The following GADL1 variants were observed in gnomAD, a reference collection of about 807,000 sequenced individuals.
The protein encoded by GADL1 is acidic amino acid decarboxylase GADL1.
GADL1 carries 71 observed loss-of-function variants against 69.5 expected under a neutral mutation model. That is an observed-to-expected ratio of 1.02 (90% CI 0.84 to 1.25). The LOEUF (loss-of-function observed/expected upper bound fraction) is 1.25. Among genes scored for constraint, GADL1 ranks in the 50% most tolerant of loss-of-function variants. The pLI is 0.00. For synonymous variants in GADL1, 254 were observed against 214.4 expected (o/e 1.18, Z -1.62); for missense variants, 737 against 631.8 (o/e 1.17, Z -1.79).
intron 14 of GADL1, among the ~76,000 whole-genome samples, chr3:30,752,489 T>A (rs1480318345): frequency 1.3e-5 from 2 of 152,172 alleles, no homozygotes; most frequent in Non-Finnish European, 2.9e-5. Flanking sequence ...TACTATAAAT[T>A]TGGGATAGCC....
chr3:30,728,245 C>G lies in GADL1; in HGVS notation c.1563G>C (p.Met521Ile). 2 of 1,613,390 alleles carry G rather than the reference C, an allele frequency of 1.2e-6. No homozygotes were observed. The highest frequency in any genetic ancestry group is 1.7e-6 in the Non-Finnish European group (2 of 1,179,444). The change falls in exon 15 of 15, where the codon ATG becomes ATC. Residue 521 changes from methionine to isoleucine, a missense_variant. Coordinates refer to ENST00000282538, the MANE Select transcript of GADL1 (RefSeq NM_207359.3). ...CTCTGGGGGACCAAAGCCACAGCTA[C>G]ATGTCTTTACCCAGTAAGTCTATCT... Reference protein sequence around the residue: ...LDEIDLLGKDM With the variant: ...LDEIDLLGKDI
chr3:30,870,343 G>A (rs1170026658), intron 1 of GADL1, among the ~76,000 whole-genome samples: 1 of 151,758 alleles, frequency 6.6e-6, no homozygotes, highest in Non-Finnish European at 1.5e-5. Context: ...TATGGAAAGA[G>A]AATGATCCAG....
chr3:30,878,166 A>G (rs1245769170), intron 1 of GADL1, among the ~76,000 whole-genome samples: 1 of 151,968 alleles, frequency 6.6e-6, no homozygotes, highest in Non-Finnish European at 1.5e-5. Context: ...TTCTGGTTAA[A>G]TGATACTCTC....
chr3:30,815,665 G>A (rs752346664), intron 11 of GADL1, among the ~76,000 whole-genome samples: 3 of 152,206 alleles, frequency 2.0e-5, no homozygotes, highest in Non-Finnish European at 2.9e-5. Context: ...CTGTGGAAAT[G>A]AGTTAGAATT....
intron 8 of GADL1, among the ~76,000 whole-genome samples, chr3:30,841,530 T>A (rs1371601756): frequency 6.6e-6 from 1 of 152,142 alleles, no homozygotes; most frequent in Non-Finnish European, 1.5e-5. Flanking sequence ...CTCACTATTT[T>A]AAAAATTGAT....
At chr3:30,733,875 G>A (rs1279537323) in intron 14 of GADL1, among the ~76,000 whole-genome samples, 6 of 152,128 alleles carry the variant, frequency 3.9e-5, no homozygotes, top group African/African-American at 1.4e-4. Flanking sequence ...TTCAGACTTT[G>A]ATGGGCTTTC....
At chr3:30,867,266 G>A (rs1405284704) in intron 1 of GADL1, among the ~76,000 whole-genome samples, 4 of 151,426 alleles carry the variant, frequency 2.6e-5, no homozygotes, top group Non-Finnish European at 5.9e-5. Flanking sequence ...ATATGCAGTG[G>A]GTATGGAAAT....
At chr3:30,835,850 C>A (rs1357308196) in intron 9 of GADL1, among the ~76,000 whole-genome samples, 1 of 152,000 alleles carries the variant, frequency 6.6e-6, no homozygotes, top group Non-Finnish European at 1.5e-5. Flanking sequence ...AGTCAAATTC[C>A]CTTCCTGCTG....
chr3:30,757,507 T>C (rs1324730076), intron 14 of GADL1, among the ~76,000 whole-genome samples: 1 of 152,254 alleles, frequency 6.6e-6, no homozygotes, highest in Non-Finnish European at 1.5e-5. Flanking sequence ...CACAGAACTC[T>C]GGCTGTGTAC....
At position 30,727,583 on chromosome 3, in the gene GADL1, T is replaced by C. The variant is rs1695388660; in HGVS notation, c.*659A>G. 6.6e-6 allele frequency: 1 copy of C among 152,194 alleles called. No individual in the cohort carries two copies. The highest frequency in any genetic ancestry group is 1.5e-5 in the Non-Finnish European group (1 of 68,030). The allele number at this position is 152,194 out of a possible 1,614,324, so 9.4% of individuals were successfully genotyped here. A position where few individuals can be genotyped will look rare whatever the true frequency, so the allele number is the denominator to read the frequency against. On this transcript the variant is annotated 3_prime_UTR_variant, in exon 15 of 15. Transcript: ENST00000282538. ...TTGACATGCTTCTGATGTCCTTAAA[T>C]ATTTGTGCTGCAGATGCCATAGTTG...
At chr3:30,889,170 G>T (rs537087993) in intron 1 of GADL1, among the ~76,000 whole-genome samples, 1 of 149,784 alleles carries the variant, frequency 6.7e-6, no homozygotes. Context: ...CAATCATGGC[G>T]GGAGGCAAAG....
intron 4 of GADL1, among the ~76,000 whole-genome samples, chr3:30,854,173 C>T (rs1246229827): frequency 6.6e-6 from 1 of 152,124 alleles, no homozygotes; most frequent in Admixed American, 6.6e-5. Flanking sequence ...CCTAATAACA[C>T]TTATTCAGTG....
At chr3:30,759,890 T>C (rs1047470438) in intron 14 of GADL1, among the ~76,000 whole-genome samples, 4 of 152,194 alleles carry the variant, frequency 2.6e-5, no homozygotes, top group Non-Finnish European at 5.9e-5. Flanking sequence ...AATGCTCTTA[T>C]GCAGGTGGAC....
rs146531147 is a variant in GADL1, at chr3:30,794,406, AG to A, written c.1250+6482del. ...TAACAAAGGCCTAGAAGGTGCCCTCAGCAACAGGTAACCTTGTATAGTAAAA... is the reference window on the plus strand; with the variant it reads ...TAACAAAGGCCTAGAAGGTGCCCTCACAACAGGTAACCTTGTATAGTAAAA... On this transcript the variant is annotated intron_variant, in intron 12 of 14. Transcript: ENST00000282538. Among the ~76,000 whole-genome samples, 471 of 152,294 alleles carry A rather than the reference AG, an allele frequency of 3.1e-3. 3 individuals are homozygous for A. Among genetic ancestry groups the A allele is most frequent in the African/African-American group, 0.011 (449 of 41,570 alleles).
chr3:30,747,040 A>T (rs1039776794), intron 14 of GADL1, among the ~76,000 whole-genome samples: 6 of 152,148 alleles, frequency 3.9e-5, no homozygotes, highest in African/African-American at 1.4e-4. Context: ...TATAGCAGAC[A>T]TATAGGGATG....
intron 1 of GADL1, among the ~76,000 whole-genome samples, chr3:30,894,214 TC>T (rs1291622282): frequency 6.6e-6 from 1 of 152,182 alleles, no homozygotes; most frequent in Non-Finnish European, 1.5e-5. Flanking sequence ...GATGATGCTG[TC>T]CTTGTCCCCC....
chr3:30,766,590 G>A (rs1696287552), intron 14 of GADL1, among the ~76,000 whole-genome samples: 1 of 152,200 alleles, frequency 6.6e-6, no homozygotes, highest in East Asian at 1.9e-4. Context: ...CAGGTATGGA[G>A]TGGTAATGTA....
chr3:30,804,053 C>T (rs114721450), intron 11 of GADL1, among the ~76,000 whole-genome samples: 7 of 152,156 alleles, frequency 4.6e-5, no homozygotes, highest in Admixed American at 6.5e-5. Context: ...CTCTCCTCAG[C>T]GGATTAGTAG....
intron 1 of GADL1, among the ~76,000 whole-genome samples, chr3:30,876,587 A>G (rs1323023347): frequency 6.6e-6 from 1 of 151,978 alleles, no homozygotes; most frequent in Non-Finnish European, 1.5e-5. Context: ...GAAACGGAGT[A>G]GAGTGTTTCT....
Sources: allele counts gnomAD v4.1 joint callset (sites outside exome capture counted in the v4.1 genomes callset), GRCh38; gene constraint gnomAD v4.1.1; transcripts MANE v1.5; gene names NCBI Gene and HGNC (gene_info 2026-07-23, HGNC 2026-07-21).